The following SRP54 variants were observed in gnomAD, a reference collection of about 807,000 sequenced individuals.
The protein encoded by SRP54 is signal recognition particle 54.
Under a neutral mutation model 64.8 loss-of-function variants are expected in SRP54, and 10 were observed. The observed-to-expected ratio is 0.15, with a 90% confidence interval of 0.10 to 0.26. The LOEUF (loss-of-function observed/expected upper bound fraction) is 0.26, where lower values mean the gene tolerates loss of function less well. Ranked by LOEUF, SRP54 falls within the 10% of genes least tolerant of loss-of-function variation. SRP54 has a pLI of 1.00. For synonymous variants in SRP54, 193 were observed against 185.6 expected, an observed-to-expected ratio of 1.04 and a Z score of -0.32; for missense variants, 325 against 613.7, an observed-to-expected ratio of 0.53 and a Z score of 4.97.
rs763635408 is a variant in SRP54 at position 34,996,763 on chromosome 14, C to T, written c.54C>T (p.Ser18=). Residue 18 remains serine, a synonymous_variant, in exon 2 of 16, where the codon AGC becomes AGT. Coordinates refer to ENST00000216774, the MANE Select transcript of SRP54 (RefSeq NM_003136.4). ...TAACATCAGCATTACGCTCGTTGAG[C>T]AATGCCACCATTATCAATGAAGAGG... ...RKITSALRSL[S]NATIINEEVL... 72 of 1,611,996 alleles carry T rather than the reference C, an allele frequency of 4.5e-5. No homozygotes were observed. Among genetic ancestry groups the T allele is most frequent in the Middle Eastern group, 1.6e-4 (1 of 6,076 alleles).
intron 7 of SRP54, 146 bp from the exon 8 acceptor site, chr14:35,011,363 T>A: frequency 4.0e-6 from 2 of 498,958 alleles, no homozygotes; most frequent in Admixed American, 4.0e-5. Context: ...GATTCTGTAT[T>A]TAATACTTTA....
chr14:35,025,108 C>G (rs939092608), intron 14 of SRP54, among the ~76,000 whole-genome samples: 1 of 152,060 alleles, frequency 6.6e-6, no homozygotes, highest in Non-Finnish European at 1.5e-5. Flanking sequence ...TATTATGTAT[C>G]GTAAAAAGAT....
At chr14:35,001,780 A>G (rs2044177635) in intron 4 of SRP54, among the ~76,000 whole-genome samples, 1 of 152,190 alleles carries the variant, frequency 6.6e-6, no homozygotes, top group African/African-American at 2.4e-5. Context: ...TTTATTTTCA[A>G]ATAGTAAATA....
chr14:35,008,516 T>C, intron 5 of SRP54, 111 bp from the exon 6 acceptor site: 1 of 612,100 alleles, frequency 1.6e-6, no homozygotes, highest in Non-Finnish European at 2.5e-6. Flanking sequence ...AGGAGAATTA[T>C]AAGCAGTTTT....
intron 1 of SRP54, chr14:34,993,314 T>C (rs964164602): frequency 5.9e-5 from 9 of 152,238 alleles, no homozygotes; most frequent in Non-Finnish European, 1.3e-4. Context: ...AAATGAAGAA[T>C]ATTAATTTAA....
chr14:35,018,989 A>G lies in SRP54; in HGVS notation c.1071A>G (p.Thr357=). The change falls in exon 13 of 16, where the codon ACA becomes ACG. Residue 357 remains threonine, a synonymous_variant. Coordinates refer to ENST00000216774, the MANE Select transcript of SRP54 (RefSeq NM_003136.4). ...AGGGGATGATCCCTGGTTTTGGGACAGATTTTATGAGCAAAGGAAATGAAC... is the reference window on the plus strand; with the variant it reads ...AGGGGATGATCCCTGGTTTTGGGACGGATTTTATGAGCAAAGGAAATGAAC... The part of the protein sequence containing the change: ...QILGMIPGFG[T]DFMSKGNEQE... The G allele has an allele frequency of 1.9e-6, 3 of 1,613,900 alleles. No individual in the cohort carries two copies. The highest frequency in any genetic ancestry group is 2.5e-6 in the Non-Finnish European group (3 of 1,179,876).
At chr14:34,989,680 A>T (rs2043953797) in intron 1 of SRP54, among the ~76,000 whole-genome samples, 1 of 152,192 alleles carries the variant, frequency 6.6e-6, no homozygotes, top group Non-Finnish European at 1.5e-5. Context: ...TAAAGATTCC[A>T]GGAGTGGTTC....
intron 11 of SRP54, among the ~76,000 whole-genome samples, chr14:35,017,361 T>G (rs1340583901): frequency 6.6e-6 from 1 of 152,238 alleles, no homozygotes; most frequent in Non-Finnish European, 1.5e-5. Flanking sequence ...TTGTTTTCCT[T>G]GGTTCCTAAT....
intron 1 of SRP54, among the ~76,000 whole-genome samples, chr14:34,984,782 G>T (rs1460629026): frequency 6.6e-6 from 1 of 152,134 alleles, no homozygotes; most frequent in Non-Finnish European, 1.5e-5. Context: ...GATTACAGGT[G>T]TGAGCCACCA....
At chr14:35,018,392 A>G (rs755100722) in intron 11 of SRP54, among the ~76,000 whole-genome samples, 2 of 152,052 alleles carry the variant, frequency 1.3e-5, no homozygotes, top group Non-Finnish European at 2.9e-5. Flanking sequence ...CAACCTTTAA[A>G]ATTTTACTCA....
intron 1 of SRP54, among the ~76,000 whole-genome samples, chr14:34,991,295 A>C (rs912640092): frequency 6.6e-6 from 1 of 151,380 alleles, no homozygotes; most frequent in African/African-American, 2.4e-5. Context: ...GCGCCTGGCT[A>C]ATTTTTGTAT....
At chr14:35,013,200 C>CT in intron 8 of SRP54, 146 bp from the exon 9 acceptor site, 1 of 671,814 alleles carries the variant, frequency 1.5e-6, no homozygotes, top group South Asian at 1.9e-5. Flanking sequence ...GGTGATCCAC[C>CT]TGGCTCGGCC....
At chr14:35,005,499 C>G (rs570175956) in intron 4 of SRP54, among the ~76,000 whole-genome samples, 4 of 152,204 alleles carry the variant, frequency 2.6e-5, no homozygotes, top group Non-Finnish European at 4.4e-5. Context: ...TGGGCTCAAG[C>G]AATCTTACTG....
chr14:35,028,776 T>C (rs1242603238), intron 15 of SRP54, among the ~76,000 whole-genome samples: 1 of 152,232 alleles, frequency 6.6e-6, no homozygotes, highest in African/African-American at 2.4e-5. Context: ...ATTTTTTGTT[T>C]AGATTTATTG....
rs566830667 is a variant in SRP54, at chr14:35,008,983, TTCA to T, written c.485+153_485+155del. On this transcript the variant is annotated intron_variant, in intron 7 of 15. Transcript: ENST00000216774. ...CTCACTGCAACCACCACCTCCTGGG[TTCA>T]AGTGATTCTCCTGTCTCAGCTTCCT... 7 of 575,092 alleles carry T rather than the reference TTCA, an allele frequency of 1.2e-5. No individual in the cohort carries two copies. In the South Asian group the frequency reaches 1.8e-4, roughly 15 times the overall value. 35.6% of individuals were successfully genotyped at this position (575,092 alleles called of 1,614,324 possible). A position where few individuals can be genotyped will look rare whatever the true frequency, so the allele number is the denominator to read the frequency against.
rs761179132 is a variant in SRP54 at position 35,022,911 on chromosome 14, A to G, written c.1158A>G (p.Glu386=). The G allele has an allele frequency of 1.9e-6, 3 of 1,610,590 alleles. No individual in the cohort carries two copies. The highest frequency in any genetic ancestry group is 3.4e-5 in the Admixed American group (2 of 59,480). ...GAGAGTAACTGACCTTGTCTACAGA[A>G]CTAGACAGTACGGATGGTGCCAAAG... ...MTIMDSMNDQ[E]LDSTDGAKVF... is the part of the protein sequence containing the mutation. Residue 386 remains glutamate (E), a splice_region_variant and synonymous_variant, in exon 14 of 16, where the codon GAA becomes GAG. Transcript: ENST00000216774.
At chr14:34,984,256 T>G (rs2138951690) in intron 1 of SRP54, among the ~76,000 whole-genome samples, 1 of 152,326 alleles carries the variant, frequency 6.6e-6, no homozygotes, top group Admixed American at 6.5e-5. Flanking sequence ...TACAGTAAGA[T>G]AACCATAAAT....
intron 10 of SRP54, among the ~76,000 whole-genome samples, chr14:35,014,290 T>TTTTTTTTTTTTTTTGTTTG (rs376712278): frequency 1.6e-5 from 2 of 127,350 alleles, no homozygotes; most frequent in East Asian, 5.4e-4. Context: ...TTTTTTTTTT[T>TTTTTTTTTTTTTTTGTTTG]TTTTGAGACG....
rs199722718 is a variant in SRP54 at position 34,996,799 on chromosome 14, A to G, written c.78+12A>G. On this transcript the variant is annotated intron_variant, in intron 2 of 15. Coordinates refer to ENST00000216774, the MANE Select transcript of SRP54 (RefSeq NM_003136.4). ...TTATCAATGAAGAGGTATGTAAAAT[A>G]TTGTATGAAATATATATGATTGTAT... 2.5e-4 allele frequency: 386 copies of G among 1,546,998 alleles called. 1 individual carries two copies. Among genetic ancestry groups the G allele is most frequent in the South Asian group, 3.1e-4 (28 of 89,680 alleles).
Sources: gnomAD v4.1 joint callset for allele counts (sites outside exome capture counted in the v4.1 genomes callset) on GRCh38, gnomAD v4.1.1 for gene constraint, MANE v1.5 for transcripts, NCBI Gene and HGNC (gene_info 2026-07-23, HGNC 2026-07-21) for gene names.